The following CTH variants were observed in gnomAD, a reference collection of about 807,000 sequenced individuals.
CTH encodes the protein cystathionase (cystathionine gamma-lyase).
In CTH, 41 loss-of-function variants were observed where a neutral mutation model predicts 50.6. The ratio of observed to expected loss-of-function variants is 0.81; its 90% CI spans 0.63 to 1.05. The LOEUF is 1.05. CTH is among the 50% of genes least tolerant of loss of function. The pLI, the probability that CTH is intolerant of heterozygous loss-of-function variation, is 0.00. For missense variants in CTH, 470 were observed against 492.6 expected, an observed-to-expected ratio of 0.95 and a Z score of 0.43; for synonymous variants, 156 against 168.9, an observed-to-expected ratio of 0.92 and a Z score of 0.59.
Position 70,434,082 on chromosome 1 carries a change from T to A in CTH, c.999+133T>A, listed in dbSNP as rs1684543279. On this transcript the variant is annotated intron_variant, in intron 9 of 11. Transcript: ENST00000370938. ...ACTCATAAACCTCTTTATCATGAAA[T>A]GCATTGGGTTGAAAACAACTTAAAC... 5 of 1,478,000 alleles carry A rather than the reference T, an allele frequency of 3.4e-6. No homozygotes were observed. In the East Asian group the frequency reaches 1.2e-4, roughly 37 times the overall value. The allele number at this position is 1,478,000 out of a possible 1,614,324, so 91.6% of individuals were successfully genotyped here.
At chr1:70,434,608 T>C (rs1342577740) in intron 9 of CTH, among the ~76,000 whole-genome samples, 3 of 152,258 alleles carry the variant, frequency 2.0e-5, no homozygotes, top group Admixed American at 6.5e-5. Flanking sequence ...TTTTTTTTTT[T>C]TCCCCTATTC....
At chr1:70,426,420 G>A (rs1051112149) in intron 5 of CTH, among the ~76,000 whole-genome samples, 1 of 152,198 alleles carries the variant, frequency 6.6e-6, no homozygotes, top group Non-Finnish European at 1.5e-5. Flanking sequence ...TTGGGCAGAT[G>A]TTTACAGGTT....
At chr1:70,416,856 C>T (rs1374453145) in intron 2 of CTH, among the ~76,000 whole-genome samples, 1 of 151,872 alleles carries the variant, frequency 6.6e-6, no homozygotes, top group Non-Finnish European at 1.5e-5. Flanking sequence ...GCCACCACGC[C>T]CAGCCTTTTT....
At chr1:70,411,743 C>G in intron 1 of CTH, 160 bp downstream of exon 1, 1 of 915,596 alleles carries the variant, frequency 1.1e-6, no homozygotes, top group Non-Finnish European at 1.3e-6. Context: ...AGCTTTGTAT[C>G]GGATGGTCCA....
intron 5 of CTH, among the ~76,000 whole-genome samples, chr1:70,428,305 TA>T (rs753402575): frequency 6.6e-5 from 10 of 152,026 alleles, no homozygotes; most frequent in Admixed American, 1.3e-4. Context: ...AATAGAGGAA[TA>T]AGTTTTGGTG....
chr1:70,415,816 C>T, intron 1 of CTH, 140 bp from the exon 2 acceptor site: 2 of 687,796 alleles, frequency 2.9e-6, no homozygotes, highest in Non-Finnish European at 5.4e-6. Flanking sequence ...CAGCACTGTT[C>T]TGCTTCTGTA....
At chr1:70,420,045 T>G (rs1684180575) in intron 3 of CTH, among the ~76,000 whole-genome samples, 1 of 147,726 alleles carries the variant, frequency 6.8e-6, no homozygotes, top group Non-Finnish European at 1.5e-5. Flanking sequence ...CAGGCTGGAG[T>G]GCAGTGGCAC....
chr1:70,438,435 T>G (rs1314923497), intron 10 of CTH, among the ~76,000 whole-genome samples: 1 of 152,140 alleles, frequency 6.6e-6, no homozygotes, highest in Non-Finnish European at 1.5e-5. Flanking sequence ...TGACACACAC[T>G]TTCAGTATTT....
At chr1:70,423,599 A>G (rs908031537) in intron 4 of CTH, among the ~76,000 whole-genome samples, 2 of 151,874 alleles carry the variant, frequency 1.3e-5, no homozygotes, top group African/African-American at 4.8e-5. Flanking sequence ...GTAATTCAGT[A>G]CAATGGCATT....
chr1:70,426,939 C>T (rs1684357655), intron 5 of CTH, among the ~76,000 whole-genome samples: 1 of 152,170 alleles, frequency 6.6e-6, no homozygotes, highest in Non-Finnish European at 1.5e-5. Flanking sequence ...CCTCTTTCTC[C>T]TATTACTGTC....
intron 5 of CTH, among the ~76,000 whole-genome samples, chr1:70,425,641 G>T (rs1309121199): frequency 6.6e-6 from 1 of 152,168 alleles, no homozygotes; most frequent in East Asian, 1.9e-4. Context: ...TTCTGGGGAG[G>T]CCTCAGAAAA....
Position 70,421,687 on chromosome 1 carries a change from C to T in CTH, c.456+12C>T, listed in dbSNP as rs982492743. ...CACCAGAAACCAAGGTAACTCAGCT[C>T]ATTTTCAGTTTTGCCTGTTTTTCCT... On this transcript the variant is annotated intron_variant, in intron 4 of 11. Transcript: ENST00000370938. 3.1e-6 allele frequency: 5 copies of T among 1,612,982 alleles called. No individual in the cohort carries two copies. The highest frequency in any genetic ancestry group is 2.2e-5 in the South Asian group (2 of 91,050).
chr1:70,420,096 G>T (rs955903825), intron 3 of CTH, among the ~76,000 whole-genome samples: 2 of 151,304 alleles, frequency 1.3e-5, no homozygotes, highest in African/African-American at 4.9e-5. Context: ...GGGTTCAAGC[G>T]ATTCTCCTGT....
At chr1:70,420,777 T>C (rs1684202117) in intron 3 of CTH, among the ~76,000 whole-genome samples, 1 of 152,188 alleles carries the variant, frequency 6.6e-6, no homozygotes, top group Non-Finnish European at 1.5e-5. Flanking sequence ...GATACTTTTA[T>C]AATGCAATAT....
chr1:70,414,823 A>ATTT, intron 1 of CTH, among the ~76,000 whole-genome samples: 1 of 149,308 alleles, frequency 6.7e-6, no homozygotes, highest in South Asian at 2.1e-4. Context: ...GAATAATGCA[A>ATTT]TTTTTTTTTT....
At chr1:70,423,422 T>G (rs1467963128) in intron 4 of CTH, among the ~76,000 whole-genome samples, 3 of 151,692 alleles carry the variant, frequency 2.0e-5, no homozygotes, top group Non-Finnish European at 2.9e-5. Flanking sequence ...ATAATAATAA[T>G]TGGCCGAGCA....
At chr1:70,412,403 C>T (rs759699118) in intron 1 of CTH, among the ~76,000 whole-genome samples, 1 of 152,184 alleles carries the variant, frequency 6.6e-6, no homozygotes, top group Non-Finnish European at 1.5e-5. Flanking sequence ...GACAGGAGTT[C>T]GAGCCCAGCC....
intron 9 of CTH, among the ~76,000 whole-genome samples, chr1:70,434,646 T>C (rs567714321): frequency 1.3e-5 from 2 of 151,858 alleles, no homozygotes; most frequent in East Asian, 3.9e-4. Flanking sequence ...ATGTATTTCA[T>C]AAGTGATATA....
At chr1:70,427,748 T>C (rs995661334) in intron 5 of CTH, among the ~76,000 whole-genome samples, 3 of 152,232 alleles carry the variant, frequency 2.0e-5, no homozygotes, top group Admixed American at 6.5e-5. Flanking sequence ...AGTCTTGCTC[T>C]GTCGCCCAGG....
Sources: allele counts gnomAD v4.1 joint callset (sites outside exome capture counted in the v4.1 genomes callset), GRCh38; gene constraint gnomAD v4.1.1; transcripts MANE v1.5; gene names NCBI Gene and HGNC (gene_info 2026-07-23, HGNC 2026-07-21).